The following SPATA13 variants were observed in gnomAD, a reference collection of about 807,000 sequenced individuals.
SPATA13 encodes the protein spermatogenesis-associated protein 13.
Under a neutral mutation model 104.0 loss-of-function variants are expected in SPATA13, and 50 were observed. That is an observed-to-expected ratio of 0.48 (90% CI 0.38 to 0.61). The LOEUF is 0.61. SPATA13 is among the 20% of genes least tolerant of loss of function. SPATA13 has a pLI of 0.00. For missense variants in SPATA13, 1,524 were observed against 1,690.6 expected (o/e 0.90, Z 1.73); for synonymous variants, 606 against 667.5 (o/e 0.91, Z 1.42).
chr13:24,223,745 C>T lies in SPATA13; in HGVS notation c.816C>T (p.Ser272=). The T allele has an allele frequency of 6.4e-7, 1 of 1,551,964 alleles. No individual in the cohort carries two copies. Residue 272 remains serine (S), a synonymous_variant, in exon 2 of 13, where the codon TCC becomes TCT. Coordinates refer to ENST00000382108, the MANE Select transcript of SPATA13 (RefSeq NM_001166271.3). ...KKSSFKRKST[S]NLADLRTAHD... ...GCTCCTTTAAGCGGAAGTCCACCTC[C>T]AATCTTGCAGACCTCAGGACGGCCC...
intron 2 of SPATA13, among the ~76,000 whole-genome samples, chr13:23,986,027 G>A (rs1043134535): frequency 1.3e-5 from 2 of 152,208 alleles, no homozygotes; most frequent in African/African-American, 4.8e-5. Flanking sequence ...TGGAGCTGGA[G>A]GAGTCCCCAG....
At chr13:24,059,657 A>T (rs1202590546) in intron 3 of SPATA13, among the ~76,000 whole-genome samples, 2 of 152,194 alleles carry the variant, frequency 1.3e-5, no homozygotes, top group Non-Finnish European at 2.9e-5. Flanking sequence ...AAGTGTGTCC[A>T]TTTTATAATT....
chr13:24,282,273 T>C (rs1875598946), intron 4 of SPATA13, among the ~76,000 whole-genome samples: 1 of 152,166 alleles, frequency 6.6e-6, no homozygotes, highest in African/African-American at 2.4e-5. Flanking sequence ...TTGATCCGAA[T>C]ATAAAACATC....
chr13:24,239,633 TGCAGTGA>T (rs1177613125), intron 2 of SPATA13, among the ~76,000 whole-genome samples: 1 of 130,712 alleles, frequency 7.7e-6, no homozygotes, highest in Non-Finnish European at 1.5e-5. Context: ...AGGTGGAGGC[TGCAGTGA>T]GCCGAGATTT....
chr13:24,217,197 AC>A (rs1871301043), intron 1 of SPATA13, among the ~76,000 whole-genome samples: 1 of 152,172 alleles, frequency 6.6e-6, no homozygotes, highest in Non-Finnish European at 1.5e-5. Flanking sequence ...ATTTGAGGCC[AC>A]CCCGGGCAAC....
intron 3 of SPATA13, among the ~76,000 whole-genome samples, chr13:24,108,218 C>T (rs1373282823): frequency 2.6e-5 from 4 of 152,214 alleles, no homozygotes; most frequent in Admixed American, 2.0e-4. Flanking sequence ...ATTTAATCAC[C>T]GCCTAAAGGC....
chr13:24,077,705 C>T (rs1010379094), intron 3 of SPATA13, among the ~76,000 whole-genome samples: 4 of 152,224 alleles, frequency 2.6e-5, no homozygotes, highest in African/African-American at 4.8e-5. Context: ...TAGAGCGGCA[C>T]ACACTATGCT....
At chr13:24,067,907 T>C (rs550702038) in intron 3 of SPATA13, among the ~76,000 whole-genome samples, 1 of 152,330 alleles carries the variant, frequency 6.6e-6, no homozygotes, top group African/African-American at 2.4e-5. Flanking sequence ...TTTCACCATG[T>C]TGGCAAGGTT....
At chr13:24,190,238 A>G (rs1432285497) in intron 1 of SPATA13, among the ~76,000 whole-genome samples, 2 of 52,376 alleles carry the variant, frequency 3.8e-5, no homozygotes, top group Middle Eastern at 0.017. Flanking sequence ...ATATTATTAT[A>G]TAACATATCA....
chr13:24,019,735 A>G (rs564209224), intron 3 of SPATA13, among the ~76,000 whole-genome samples: 4 of 152,318 alleles, frequency 2.6e-5, no homozygotes, highest in Non-Finnish European at 5.9e-5. Flanking sequence ...ACATTTTGAA[A>G]TACTCGTTGG....
Position 24,297,355 on chromosome 13 carries a change from C to T in SPATA13, c.3211-8C>T. The T allele has an allele frequency of 6.3e-7, 1 of 1,599,830 alleles. No homozygotes were observed. Among genetic ancestry groups the T allele is most frequent in the East Asian group, 2.2e-5 (1 of 44,620 alleles). On this transcript the variant is annotated splice_region_variant and splice_polypyrimidine_tract_variant and intron_variant, in intron 10 of 12. Transcript: ENST00000382108. ...GGAAGGTCTTAAGATGTGTTTTCAT[C>T]CTTCCAGGGACTGGATATCTTAGAC...
intron 2 of SPATA13, among the ~76,000 whole-genome samples, chr13:24,013,975 T>C (rs1369119302): frequency 6.6e-6 from 1 of 152,164 alleles, no homozygotes; most frequent in Non-Finnish European, 1.5e-5. Flanking sequence ...TGTGCAAGTC[T>C]GGAGTGTGCT....
chr13:24,180,879 C>T (rs1868759694), intron 1 of SPATA13, among the ~76,000 whole-genome samples: 1 of 152,082 alleles, frequency 6.6e-6, no homozygotes, highest in African/African-American at 2.4e-5. Context: ...TAGGCAATTT[C>T]ATCTCTGTGC....
chr13:24,202,067 T>C (rs942658997), intron 1 of SPATA13, among the ~76,000 whole-genome samples: 1 of 129,892 alleles, frequency 7.7e-6, no homozygotes, highest in Admixed American at 8.7e-5. Context: ...AGCAAGACTC[T>C]GTCTAAATAA....
chr13:24,249,472 G>C lies in SPATA13; in HGVS notation c.1654-5G>C, dbSNP rs564819674. 112 of 1,541,382 alleles carry C rather than the reference G, an allele frequency of 7.3e-5. No homozygotes were observed. In the South Asian group the frequency reaches 1.2e-3, roughly 17 times the overall value. On this transcript the variant is annotated splice_region_variant and splice_polypyrimidine_tract_variant and intron_variant, in intron 2 of 12. Coordinates refer to ENST00000382108, the MANE Select transcript of SPATA13 (RefSeq NM_001166271.3). The stretch of plus-strand genomic sequence containing the variant: ...GAGCTCACCTGACCTGTTCGCATTT[G>C]AAAGGTCGTCCCTGATGGCCCCTGG...
intron 4 of SPATA13, among the ~76,000 whole-genome samples, chr13:24,263,520 G>A (rs1874158080): frequency 6.6e-6 from 1 of 152,174 alleles, no homozygotes; most frequent in African/African-American, 2.4e-5. Flanking sequence ...CTGTGCAAAA[G>A]TCCCTGATAT....
At chr13:24,060,461 A>C (rs559087075) in intron 3 of SPATA13, among the ~76,000 whole-genome samples, 2 of 152,334 alleles carry the variant, frequency 1.3e-5, no homozygotes, top group South Asian at 4.1e-4. Flanking sequence ...TAAATGTAAA[A>C]CCCAAAGCTA....
chr13:24,297,663 C>A lies in SPATA13; in HGVS notation c.3511C>A (p.Gln1171Lys). The A allele has an allele frequency of 6.2e-7, 1 of 1,614,228 alleles. No individual in the cohort carries two copies. Among genetic ancestry groups the A allele is most frequent in the Non-Finnish European group, 8.5e-7 (1 of 1,180,048 alleles). The change falls in exon 11 of 13, where the codon CAA becomes AAA. Residue 1171 changes from glutamine (Q) to lysine (K), a missense_variant. Coordinates refer to ENST00000382108, the MANE Select transcript of SPATA13 (RefSeq NM_001166271.3). Reference sequence around the variant, plus strand: ...GGTTTATTTGTTTTGTGCCAAAAAACAAGAAGACAAGGCGAGGTGGCTGCA... The same window carrying A: ...GGTTTATTTGTTTTGTGCCAAAAAAAAAGAAGACAAGGCGAGGTGGCTGCA... The part of the protein sequence containing the change: ...DEVYLFCAKK[Q>K]EDKARWLQAC...
At chr13:24,153,392 T>C (rs1348277421) in intron 3 of SPATA13, among the ~76,000 whole-genome samples, 4 of 152,192 alleles carry the variant, frequency 2.6e-5, no homozygotes, top group South Asian at 4.1e-4. Context: ...CTCCATTTCA[T>C]TGCCTAAAAA....
Sources: allele counts gnomAD v4.1 joint callset (sites outside exome capture counted in the v4.1 genomes callset), GRCh38; gene constraint gnomAD v4.1.1; transcripts MANE v1.5; gene names NCBI Gene and HGNC (gene_info 2026-07-23, HGNC 2026-07-21).